The following ERN1 variants were observed in gnomAD, a reference collection of about 807,000 sequenced individuals.
ERN1 encodes endoplasmic reticulum to nucleus signaling 1.
ERN1 carries 39 observed loss-of-function variants against 113.1 expected under a neutral mutation model. That is an observed-to-expected ratio of 0.34 (90% CI 0.27 to 0.45). The LOEUF (loss-of-function observed/expected upper bound fraction) is 0.45. Among genes scored for constraint, ERN1 ranks in the 20% least tolerant of loss-of-function variants. The probability of loss-of-function intolerance (pLI) is 1.00; values close to 1 mark genes in which losing one functional copy is unlikely to be tolerated. For synonymous variants in ERN1, 507 were observed against 515.9 expected (o/e 0.98, Z 0.23); for missense variants, 976 against 1,274.8 (o/e 0.77, Z 3.57).
intron 2 of ERN1, among the ~76,000 whole-genome samples, chr17:64,085,437 G>A (rs576568779): frequency 5.1e-4 from 78 of 152,204 alleles, no homozygotes; most frequent in Non-Finnish European, 7.8e-4. Flanking sequence ...GGAATTAATA[G>A]GGTGAGGATT....
In ERN1 at chr17:64,045,408, G is replaced by T. The variant is rs201354208; in HGVS notation, c.2604C>A (p.Ala868=). 1 of 1,613,672 alleles carries T rather than the reference G, an allele frequency of 6.2e-7. No homozygotes were observed. The highest frequency in any genetic ancestry group is 1.3e-5 in the African/African-American group (1 of 74,888). ...TCTCCCGCCAGTCCATCTTCACCAC[G>T]GCTCTCCCGCCTCTCTCTAACTGCT... The part of the protein sequence containing the change: ...IVKQLERGGR[A]VVKMDWRENI... Residue 868 remains alanine, a synonymous_variant, in exon 20 of 22, where the codon GCC becomes GCA. Transcript: ENST00000433197.
At chr17:64,089,420 A>G (rs1914027683) in intron 2 of ERN1, among the ~76,000 whole-genome samples, 1 of 151,786 alleles carries the variant, frequency 6.6e-6, no homozygotes, top group African/African-American at 2.4e-5. Flanking sequence ...CTGAAGCCTG[A>G]GCGCCAACGT....
chr17:64,105,630 C>A (rs1160137577), intron 1 of ERN1, among the ~76,000 whole-genome samples: 1 of 152,094 alleles, frequency 6.6e-6, no homozygotes, highest in Non-Finnish European at 1.5e-5. Context: ...CATTGGATTA[C>A]TGTTATATTG....
chr17:64,098,366 G>A, intron 1 of ERN1, 125 bp from the exon 2 acceptor site: 1 of 1,232,322 alleles, frequency 8.1e-7, no homozygotes, highest in East Asian at 2.3e-5. Flanking sequence ...TGAAGAAATG[G>A]AAGGTGGAGA....
rs921803989 is a variant in ERN1 at position 64,098,372 on chromosome 17, G to A, written c.55-131C>T. ...TTTTACAGATGAAGAAATGGAAGGT[G>A]GAGAGCCTAAATTCCCACTCAGTCA... On this transcript the variant is annotated intron_variant, in intron 1 of 21. Transcript: ENST00000433197. The A allele has an allele frequency of 1.2e-5, 14 of 1,186,738 alleles. No individual in the cohort carries two copies. The African/African-American group carries it at 1.8e-4, about 15-fold the overall frequency. The allele number at this position is 1,186,738 out of a possible 1,614,324, so 73.5% of individuals were successfully genotyped here. A position where few individuals can be genotyped will look rare whatever the true frequency, so the allele number is the denominator to read the frequency against.
In ERN1 at chr17:64,098,167, A is replaced by G. The variant is rs1321011285; in HGVS notation, c.129T>C (p.His43=). ...TTGAGCCTGTCCTCTTGCTGACAGC[A>G]TGCAAACTTCCATCCAGCGTTGACA... ...LFVSTLDGSL[H]AVSKRTGSIK... is the part of the protein sequence containing the mutation. Residue 43 remains histidine (H), a synonymous_variant, in exon 2 of 22, where the codon CAT becomes CAC. Coordinates refer to ENST00000433197, the MANE Select transcript of ERN1 (RefSeq NM_001433.5). 1 of 1,614,008 alleles carries G rather than the reference A, an allele frequency of 6.2e-7. No homozygotes were observed. Among genetic ancestry groups the G allele is most frequent in the Non-Finnish European group, 8.5e-7 (1 of 1,179,880 alleles).
chr17:64,070,509 A>G (rs1249849312), intron 6 of ERN1, among the ~76,000 whole-genome samples: 2 of 152,202 alleles, frequency 1.3e-5, no homozygotes, highest in East Asian at 3.8e-4. Context: ...AAACACATAA[A>G]TCCTAAGCAG....
Position 64,054,558 on chromosome 17 carries a change from A to G in ERN1, c.1764-119T>C. On this transcript the variant is annotated intron_variant, in intron 14 of 21. Coordinates refer to ENST00000433197, the MANE Select transcript of ERN1 (RefSeq NM_001433.5). This position sits in a 1 kb window ranked among gnomAD's most constrained non-coding sequence, Gnocchi z 4.9. ...CTCCCAGCCTAGAGAGCCCCGCCTG[A>G]CTGCCTGGTGGCCCCGGAATCATCG... 1 of 1,118,966 alleles carries G rather than the reference A, an allele frequency of 8.9e-7. No individual in the cohort carries two copies. Among genetic ancestry groups the G allele is most frequent in the Non-Finnish European group, 1.3e-6 (1 of 787,764 alleles). The allele number at this position is 1,118,966 out of a possible 1,614,324, so 69.3% of individuals were successfully genotyped here.
intron 19 of ERN1, among the ~76,000 whole-genome samples, chr17:64,047,271 A>G (rs563289146): frequency 1.3e-3 from 192 of 152,348 alleles, no homozygotes; most frequent in African/African-American, 4.5e-3. Flanking sequence ...CTGAGGCAGG[A>G]GAATCACTTG....
At chr17:64,119,376 G>GTTGTTTTTTGTTTTTTTTTTTT (rs777806993) in intron 1 of ERN1, among the ~76,000 whole-genome samples, 12 of 77,906 alleles carry the variant, frequency 1.5e-4, no homozygotes, top group African/African-American at 6.1e-4. Flanking sequence ...TTTTTTCTAG[G>GTTGTTTTTTGTTTTTTTTTTTT]TTTTTTTTTT....
chr17:64,077,376 C>T (rs182895345), intron 4 of ERN1, among the ~76,000 whole-genome samples: 28 of 152,314 alleles, frequency 1.8e-4, no homozygotes, highest in African/African-American at 5.8e-4. Context: ...AACATACCCA[C>T]GTAACCGGCA....
intron 1 of ERN1, among the ~76,000 whole-genome samples, chr17:64,109,800 G>A (rs79374454): frequency 0.024 from 3,626 of 152,196 alleles, 163 homozygotes; most frequent in African/African-American, 0.082. Flanking sequence ...CCGCCTCCCC[G>A]TCTAGCCCTT....
intron 19 of ERN1, among the ~76,000 whole-genome samples, chr17:64,046,697 G>A (rs1481693406): frequency 6.6e-6 from 1 of 152,206 alleles, no homozygotes; most frequent in African/African-American, 2.4e-5. Flanking sequence ...CTTACATTCT[G>A]GGGGCTTCCC....
intron 19 of ERN1, 117 bp from the exon 20 acceptor site, chr17:64,045,599 G>T: frequency 1.5e-6 from 2 of 1,325,634 alleles, no homozygotes. Flanking sequence ...GAGCTGGGCA[G>T]CAGGCACCCT....
chr17:64,069,749 C>T (rs1913350488), intron 6 of ERN1, among the ~76,000 whole-genome samples: 1 of 152,184 alleles, frequency 6.6e-6, no homozygotes, highest in Admixed American at 6.5e-5. Context: ...AAGACCCTGT[C>T]TCTTTAATTC....
At position 64,039,197 on chromosome 17, in the gene ERN1, A is replaced by G. The variant is rs1360027797; in HGVS notation, c.*4791T>C. ...TGGCTCGACATAAGATGCCGCCATC[A>G]GCAGAATTATAAAACTGTACAGGAG... On this transcript the variant is annotated 3_prime_UTR_variant, in exon 22 of 22. Transcript: ENST00000433197. 1.3e-5 allele frequency: 2 copies of G among 152,248 alleles called. No individual in the cohort carries two copies. Among genetic ancestry groups the G allele is most frequent in the African/African-American group, 4.8e-5 (2 of 41,462 alleles). 9.4% of individuals were successfully genotyped at this position (152,248 alleles called of 1,614,324 possible).
chr17:64,045,243 C>T (rs181306506), intron 20 of ERN1, 116 bp downstream of exon 20: 18 of 1,235,146 alleles, frequency 1.5e-5, no homozygotes, highest in Admixed American at 2.0e-5. Flanking sequence ...AGTCTCAAAC[C>T]TGACAGGTGG....
intron 8 of ERN1, among the ~76,000 whole-genome samples, chr17:64,066,417 A>T (rs1442081286): frequency 1.3e-5 from 2 of 152,146 alleles, no homozygotes; most frequent in African/African-American, 4.8e-5. Context: ...CTGGAATTAC[A>T]GGTGTATGCC....
At chr17:64,114,262 A>G (rs1480618903) in intron 1 of ERN1, among the ~76,000 whole-genome samples, 1 of 152,196 alleles carries the variant, frequency 6.6e-6, no homozygotes, top group East Asian at 1.9e-4. Flanking sequence ...TTACAGTCCA[A>G]TAGGAGACCC....
Sources: gnomAD v4.1 joint callset for allele counts (sites outside exome capture counted in the v4.1 genomes callset) on GRCh38, gnomAD v4.1.1 for gene constraint, Gnocchi (gnomAD v3.1) non-coding constraint, MANE v1.5 for transcripts, NCBI Gene and HGNC (gene_info 2026-07-23, HGNC 2026-07-21) for gene names.